DCAF4L1: variants seen among roughly 807,000 people sequenced by gnomAD.
DCAF4L1 encodes DDB1- and CUL4-associated factor 4-like protein 1.
A neutral mutation model predicts 28.2 loss-of-function variants in DCAF4L1; 4 were observed. The observed-to-expected ratio is 0.14, with a 90% confidence interval of 0.07 to 0.33. The LOEUF (loss-of-function observed/expected upper bound fraction) is 0.33. Ranked by LOEUF, DCAF4L1 falls within the 10% of genes least tolerant of loss-of-function variation. DCAF4L1 has a pLI of 1.00. For synonymous variants in DCAF4L1, 252 were observed against 212.1 expected, an observed-to-expected ratio of 1.19 and a Z score of -1.63; for missense variants, 331 against 506.1, an observed-to-expected ratio of 0.65 and a Z score of 3.32.
chr4:41,982,964 A>T lies in DCAF4L1; in HGVS notation c.1172A>T (p.Tyr391Phe), dbSNP rs764831637. ...GLLMAVRQDL[Y>F]CFPFS ...CTCATGGCTGTCCGGCAGGACCTTTATTGTTTCCCCTTCAGCTAATTCTGC... is the reference window on the plus strand; with the variant it reads ...CTCATGGCTGTCCGGCAGGACCTTTTTTGTTTCCCCTTCAGCTAATTCTGC... Residue 391 changes from tyrosine (Y) to phenylalanine (F), a missense_variant, in exon 1 of 1, where the codon TAT becomes TTT. Coordinates refer to ENST00000333141, the MANE Select transcript of DCAF4L1 (RefSeq NM_001029955.4). This position sits in a 1 kb window ranked among gnomAD's most constrained non-coding sequence, Gnocchi z 4.4. 6.2e-7 allele frequency: 1 copy of T among 1,607,988 alleles called. No individual in the cohort carries two copies. The highest frequency in any genetic ancestry group is 8.5e-7 in the Non-Finnish European group (1 of 1,177,086).
rs1357972774 is a variant in DCAF4L1, at chr4:41,982,768, G to C, written c.976G>C (p.Glu326Gln). Residue 326 changes from glutamate (E) to glutamine (Q), a missense_variant, in exon 1 of 1, where the codon GAG becomes CAG. Physicochemically the swap from Glu to Gln is conservative, Grantham distance 29. Coordinates refer to ENST00000333141, the MANE Select transcript of DCAF4L1 (RefSeq NM_001029955.4). The surrounding 1 kb of genome is among the most constrained non-coding windows in gnomAD (Gnocchi z 4.4). The part of the protein sequence containing the change: ...AYLPLHVHEE[E>Q]GIVVAVGQDC... ...TCTGCCCCTGCATGTGCACGAGGAA[G>C]AGGGAATCGTGGTGGCAGTGGGCCA... 1 of 1,614,236 alleles carries C rather than the reference G, an allele frequency of 6.2e-7. No individual in the cohort carries two copies. Among genetic ancestry groups the C allele is most frequent in the South Asian group, 1.1e-5 (1 of 91,090 alleles).
At position 41,983,889 on chromosome 4, in the gene DCAF4L1, T is replaced by C. The variant is rs1394197387; in HGVS notation, c.*906T>C. On this transcript the variant is annotated 3_prime_UTR_variant, in exon 1 of 1. Coordinates refer to ENST00000333141, the MANE Select transcript of DCAF4L1 (RefSeq NM_001029955.4). The stretch of plus-strand genomic sequence containing the variant: ...TGAATTTCGAAAATGCTAAAATTCG[T>C]GATATAATCATACAATCGGATACTG... 6.0e-6 allele frequency: 1 copy of C among 166,726 alleles called. No homozygotes were observed. The highest frequency in any genetic ancestry group is 1.5e-5 in the Non-Finnish European group (1 of 68,104). 10.3% of individuals were successfully genotyped at this position (166,726 alleles called of 1,614,324 possible).
chr4:41,983,984 A>G lies in DCAF4L1; in HGVS notation c.*1001A>G, dbSNP rs971132958. On this transcript the variant is annotated 3_prime_UTR_variant, in exon 1 of 1. Coordinates refer to ENST00000333141, the MANE Select transcript of DCAF4L1 (RefSeq NM_001029955.4). ...GGACCAATCTCAACATGTTGACTGA[A>G]ATTAGGTAGAAATGAGTACAAACTG... is the stretch of plus-strand genomic sequence containing the variant. The G allele has an allele frequency of 3.6e-5, 6 of 165,580 alleles. No homozygotes were observed. Among genetic ancestry groups the G allele is most frequent in the African/African-American group, 1.4e-4 (6 of 41,446 alleles). 10.3% of individuals were successfully genotyped at this position (165,580 alleles called of 1,614,324 possible). A position where few individuals can be genotyped will look rare whatever the true frequency, so the allele number is the denominator to read the frequency against.
In DCAF4L1 at chr4:41,981,945, G is replaced by C; in HGVS notation, c.153G>C (p.Val51=). The C allele has an allele frequency of 6.2e-7, 1 of 1,614,238 alleles. No homozygotes were observed. Among genetic ancestry groups the C allele is most frequent in the Non-Finnish European group, 8.5e-7 (1 of 1,180,044 alleles). Residue 51 remains valine, a synonymous_variant, in exon 1 of 1, where the codon GTG becomes GTC. Transcript: ENST00000333141. ...SYSRLANELR[V]SCMERKKVQI... is the part of the protein sequence containing the mutation. Reference sequence around the variant, plus strand: ...CCCGTTTAGCCAACGAGCTGCGTGTGAGCTGCATGGAGCGGAAAAAGGTCC... The same window carrying C: ...CCCGTTTAGCCAACGAGCTGCGTGTCAGCTGCATGGAGCGGAAAAAGGTCC...
At position 41,982,752 on chromosome 4, in the gene DCAF4L1, G is replaced by C; in HGVS notation, c.960G>C (p.Leu320=). 1 of 1,614,232 alleles carries C rather than the reference G, an allele frequency of 6.2e-7. No individual in the cohort carries two copies. ...TGAATGAGTCCGCCTATCTGCCCCTGCATGTGCACGAGGAAGAGGGAATCG... is the reference window on the plus strand; with the variant it reads ...TGAATGAGTCCGCCTATCTGCCCCTCCATGTGCACGAGGAAGAGGGAATCG... The part of the protein sequence containing the change: ...GHVNESAYLP[L]HVHEEEGIVV... The change falls in exon 1 of 1, where the codon CTG becomes CTC. Residue 320 remains leucine, a synonymous_variant. Transcript: ENST00000333141. This position sits in a 1 kb window ranked among gnomAD's most constrained non-coding sequence, Gnocchi z 4.4.
At position 41,984,805 on chromosome 4, in the gene DCAF4L1, G is replaced by T. The variant is rs1714099163; in HGVS notation, c.*1822G>T. On this transcript the variant is annotated 3_prime_UTR_variant, in exon 1 of 1. Transcript: ENST00000333141. ...AGGTTAATGTAATTACATATTGATA[G>T]AAGATGAGTAGATCAATAGAGAAGA... 1 of 167,070 alleles carries T rather than the reference G, an allele frequency of 6.0e-6. No individual in the cohort carries two copies. The highest frequency in any genetic ancestry group is 6.5e-5 in the Admixed American group (1 of 15,288). The allele number at this position is 167,070 out of a possible 1,614,324, so 10.3% of individuals were successfully genotyped here.
chr4:41,983,195 A>G lies in DCAF4L1; in HGVS notation c.*212A>G, dbSNP rs1410327310. 8 of 542,590 alleles carry G rather than the reference A, an allele frequency of 1.5e-5. No individual in the cohort carries two copies. Among genetic ancestry groups the G allele is most frequent in the Admixed American group, 3.5e-5 (1 of 28,386 alleles). The allele number at this position is 542,590 out of a possible 1,614,324, so 33.6% of individuals were successfully genotyped here. On this transcript the variant is annotated 3_prime_UTR_variant, in exon 1 of 1. Coordinates refer to ENST00000333141, the MANE Select transcript of DCAF4L1 (RefSeq NM_001029955.4). ...TGGACTTAACTTGAAAGTCCTTTTC[A>G]TAAAAGGTACCTGTTTCCTCTTGTT...
chr4:41,984,511 G>A lies in DCAF4L1; in HGVS notation c.*1528G>A. 6.3e-6 allele frequency: 1 copy of A among 158,438 alleles called. No homozygotes were observed. 9.8% of individuals were successfully genotyped at this position (158,438 alleles called of 1,614,324 possible). A position where few individuals can be genotyped will look rare whatever the true frequency, so the allele number is the denominator to read the frequency against. ...GCTGGAGTGCAGTGGCGCGATCTCG[G>A]CTCACTGCAAGCTCTGAGGATGGCA... On this transcript the variant is annotated 3_prime_UTR_variant, in exon 1 of 1. Coordinates refer to ENST00000333141, the MANE Select transcript of DCAF4L1 (RefSeq NM_001029955.4).
At position 41,986,410 on chromosome 4, in the gene DCAF4L1, C is replaced by T. The variant is rs996182841; in HGVS notation, c.*3427C>T. 6.0e-6 allele frequency: 1 copy of T among 166,848 alleles called. No individual in the cohort carries two copies. Among genetic ancestry groups the T allele is most frequent in the Non-Finnish European group, 1.5e-5 (1 of 68,096 alleles). The allele number at this position is 166,848 out of a possible 1,614,324, so 10.3% of individuals were successfully genotyped here. ...CTAGTGATAATTGTTAGAGCTATGC[C>T]CTTAATATATGTCTTGTGTGTATTA... is the stretch of plus-strand genomic sequence containing the variant. On this transcript the variant is annotated 3_prime_UTR_variant, in exon 1 of 1. Coordinates refer to ENST00000333141, the MANE Select transcript of DCAF4L1 (RefSeq NM_001029955.4).
chr4:41,982,001 C>T lies in DCAF4L1; in HGVS notation c.209C>T (p.Ala70Val), dbSNP rs754119361. The change falls in exon 1 of 1, where the codon GCG (alanine) becomes GTG (valine). Residue 70 changes from alanine (A) to valine (V), a missense_variant. Transcript: ENST00000333141. This position sits in a 1 kb window ranked among gnomAD's most constrained non-coding sequence, Gnocchi z 4.4. ...QIRSLDPSSL[A>V]SDRFNFILAS... Reference sequence around the variant, plus strand: ...CGGAGCTTGGATCCCTCCTCTTTGGCGAGCGACCGATTTAACTTCATTCTG... The same window carrying T: ...CGGAGCTTGGATCCCTCCTCTTTGGTGAGCGACCGATTTAACTTCATTCTG... The T allele has an allele frequency of 2.5e-6, 4 of 1,614,190 alleles. No individual in the cohort carries two copies. Among genetic ancestry groups the T allele is most frequent in the Middle Eastern group, 3.3e-4 (2 of 6,062 alleles).
rs1714113324 is a variant in DCAF4L1, at chr4:41,985,163, A to G, written c.*2180A>G. The G allele has an allele frequency of 1.2e-5, 2 of 166,976 alleles. No individual in the cohort carries two copies. Among genetic ancestry groups the G allele is most frequent in the Admixed American group, 1.3e-4 (2 of 15,256 alleles). The allele number at this position is 166,976 out of a possible 1,614,324, so 10.3% of individuals were successfully genotyped here. On this transcript the variant is annotated 3_prime_UTR_variant, in exon 1 of 1. Coordinates refer to ENST00000333141, the MANE Select transcript of DCAF4L1 (RefSeq NM_001029955.4). ...TCATTTATTTGGCAATTGACAAAAA[A>G]TGACTACATAACTTGATAAACTGTT...
At position 41,982,420 on chromosome 4, in the gene DCAF4L1, T is replaced by C. The variant is rs376010831; in HGVS notation, c.628T>C (p.Leu210=). ...TGCAGGCTTGTCTCAGCAGGTCCTG[T>C]TGACCAGCGTGGCGACGGGACACCA... The part of the protein sequence containing the change: ...FSAGLSQQVL[L]TSVATGHQQS... The change falls in exon 1 of 1, where the codon TTG becomes CTG. Residue 210 remains leucine, a synonymous_variant. Transcript: ENST00000333141. This position sits in a 1 kb window ranked among gnomAD's most constrained non-coding sequence, Gnocchi z 4.4. 1.2e-6 allele frequency: 2 copies of C among 1,614,244 alleles called. No homozygotes were observed. Among genetic ancestry groups the C allele is most frequent in the Non-Finnish European group, 1.7e-6 (2 of 1,180,034 alleles).
Position 41,982,754 on chromosome 4 carries a change from A to G in DCAF4L1, c.962A>G (p.His321Arg), listed in dbSNP as rs752221463. The change falls in exon 1 of 1, where the codon CAT becomes CGT. Residue 321 changes from histidine (H) to arginine (R), a missense_variant. By Grantham distance (29) the His-to-Arg change is conservative (BLOSUM62 0). Transcript: ENST00000333141. The surrounding 1 kb of genome is among the most constrained non-coding windows in gnomAD (Gnocchi z 4.4). ...AATGAGTCCGCCTATCTGCCCCTGCATGTGCACGAGGAAGAGGGAATCGTG... is the reference window on the plus strand; with the variant it reads ...AATGAGTCCGCCTATCTGCCCCTGCGTGTGCACGAGGAAGAGGGAATCGTG... ...HVNESAYLPL[H>R]VHEEEGIVVA... 6.2e-6 allele frequency: 10 copies of G among 1,614,238 alleles called. No homozygotes were observed. The Middle Eastern group carries it at 4.9e-4, about 80-fold the overall frequency.
Position 41,984,968 on chromosome 4 carries a change from CTAAA to C in DCAF4L1, c.*1987_*1990del, listed in dbSNP as rs149814888. The C allele has an allele frequency of 2.9e-3, 490 of 167,086 alleles. 2 individuals carry two copies. The highest frequency in any genetic ancestry group is 0.011 in the African/African-American group (469 of 41,540). 10.4% of individuals were successfully genotyped at this position (167,086 alleles called of 1,614,324 possible). ...GTGTAAAATGTCTTAGATAATAAAACTAAATGATAAAGTAGATACAGGGTTAAAG... is the reference window on the plus strand; with the variant it reads ...GTGTAAAATGTCTTAGATAATAAAACTGATAAAGTAGATACAGGGTTAAAG... On this transcript the variant is annotated 3_prime_UTR_variant, in exon 1 of 1. Transcript: ENST00000333141.
rs981193218 is a variant in DCAF4L1 at position 41,985,364 on chromosome 4, C to T, written c.*2381C>T. On this transcript the variant is annotated 3_prime_UTR_variant, in exon 1 of 1. Coordinates refer to ENST00000333141, the MANE Select transcript of DCAF4L1 (RefSeq NM_001029955.4). ...GTCAAGGAAATGCAAATTAAAACCA[C>T]AATGCCACACCACTTTCACTATAAT... 1.2e-5 allele frequency: 2 copies of T among 167,040 alleles called. No homozygotes were observed. The highest frequency in any genetic ancestry group is 2.9e-5 in the Non-Finnish European group (2 of 68,108). 10.3% of individuals were successfully genotyped at this position (167,040 alleles called of 1,614,324 possible).
At position 41,982,628 on chromosome 4, in the gene DCAF4L1, T is replaced by A. The variant is rs1273440708; in HGVS notation, c.836T>A (p.Leu279His). Reference sequence around the variant, plus strand: ...TCAGCAGTGACCTCTGTGCAAATCCTCCAAGAAGAGCAATGCCTGATGGCA... The same window carrying A: ...TCAGCAGTGACCTCTGTGCAAATCCACCAAGAAGAGCAATGCCTGATGGCA... ...HDSAVTSVQI[L>H]QEEQCLMASD... Residue 279 changes from leucine to histidine, a missense_variant, in exon 1 of 1, where the codon CTC becomes CAC. Coordinates refer to ENST00000333141, the MANE Select transcript of DCAF4L1 (RefSeq NM_001029955.4). This position sits in a 1 kb window ranked among gnomAD's most constrained non-coding sequence, Gnocchi z 4.4. 2 of 1,614,020 alleles carry A rather than the reference T, an allele frequency of 1.2e-6. No individual in the cohort carries two copies. The highest frequency in any genetic ancestry group is 2.7e-5 in the African/African-American group (2 of 74,896).
chr4:41,982,367 T>A lies in DCAF4L1; in HGVS notation c.575T>A (p.Leu192His), dbSNP rs1412112730. The A allele has an allele frequency of 6.2e-7, 1 of 1,614,092 alleles. No homozygotes were observed. Among genetic ancestry groups the A allele is most frequent in the African/African-American group, 1.3e-5 (1 of 74,934 alleles). ...GAGGCCTGGTCCTGTGCGTGGTCCCTCAACACCCGGGCATATCACTGCTTT... is the reference window on the plus strand; with the variant it reads ...GAGGCCTGGTCCTGTGCGTGGTCCCACAACACCCGGGCATATCACTGCTTT... The part of the protein sequence containing the change: ...IPEAWSCAWS[L>H]NTRAYHCFSA... The change falls in exon 1 of 1, where the codon CTC becomes CAC. Residue 192 changes from leucine to histidine, a missense_variant. Transcript: ENST00000333141. The surrounding 1 kb of genome is among the most constrained non-coding windows in gnomAD (Gnocchi z 4.4).
chr4:41,982,587 T>C lies in DCAF4L1; in HGVS notation c.795T>C (p.Thr265=). 1 of 1,614,234 alleles carries C rather than the reference T, an allele frequency of 6.2e-7. No individual in the cohort carries two copies. Among genetic ancestry groups the C allele is most frequent in the Non-Finnish European group, 8.5e-7 (1 of 1,180,032 alleles). The change falls in exon 1 of 1, where the codon ACT becomes ACC. Residue 265 remains threonine, a synonymous_variant. Coordinates refer to ENST00000333141, the MANE Select transcript of DCAF4L1 (RefSeq NM_001029955.4). This position sits in a 1 kb window ranked among gnomAD's most constrained non-coding sequence, Gnocchi z 4.4. ...CRNRGKGWRA[T]RLFHDSAVTS... is the part of the protein sequence containing the mutation. ...ATCGAGGCAAGGGGTGGAGGGCCAC[T>C]CGCCTGTTCCATGACTCAGCAGTGA...
chr4:41,983,022 T>G lies in DCAF4L1; in HGVS notation c.*39T>G, dbSNP rs749352275. Reference sequence around the variant, plus strand: ...AGCGCGGCCGAATGTGGATTTGACTTAAGGAAGTTAAGAGTATCTTATTAC... The same window carrying G: ...AGCGCGGCCGAATGTGGATTTGACTGAAGGAAGTTAAGAGTATCTTATTAC... On this transcript the variant is annotated 3_prime_UTR_variant, in exon 1 of 1. Transcript: ENST00000333141. 1 of 1,522,678 alleles carries G rather than the reference T, an allele frequency of 6.6e-7. No homozygotes were observed. The highest frequency in any genetic ancestry group is 8.9e-7 in the Non-Finnish European group (1 of 1,122,272). The allele number at this position is 1,522,678 out of a possible 1,614,324, so 94.3% of individuals were successfully genotyped here.
Sources: gnomAD v4.1 joint callset for allele counts on GRCh38, gnomAD v4.1.1 for gene constraint, Gnocchi (gnomAD v3.1) non-coding constraint, MANE v1.5 for transcripts, NCBI Gene and HGNC (gene_info 2026-07-23, HGNC 2026-07-21) for gene names.